Variants in CISD2 observed in about 807,000 individuals in gnomAD.
CISD2 encodes the protein CDGSH iron-sulfur domain-containing protein 2.
CISD2 carries 1 observed loss-of-function variant against 12.9 expected under a neutral mutation model. The observed-to-expected ratio is 0.08, with a 90% CI of 0.03 to 0.37. CISD2 has a LOEUF of 0.37. Ranked by LOEUF, CISD2 falls within the 10% of genes least tolerant of loss-of-function variation. The pLI is 0.99. For synonymous variants in CISD2, 50 were observed against 60.6 expected, an observed-to-expected ratio of 0.83 and a Z score of 0.81; for missense variants, 97 against 163.1, an observed-to-expected ratio of 0.59 and a Z score of 2.21.
At chr4:102,881,439 CAATATA>C (rs1393793574) in intron 1 of CISD2, among the ~76,000 whole-genome samples, 1 of 152,072 alleles carries the variant, frequency 6.6e-6, no homozygotes, top group African/African-American at 2.4e-5. Flanking sequence ...GGAATGTTCT[CAATATA>C]AATAAATGAT....
At chr4:102,883,824 T>C (rs929839350) in intron 1 of CISD2, among the ~76,000 whole-genome samples, 7 of 152,368 alleles carry the variant, frequency 4.6e-5, no homozygotes, top group Admixed American at 4.6e-4. Flanking sequence ...TGTCAAGTTA[T>C]TTGGCAAAAT....
chr4:102,869,355 C>G, intron 1 of CISD2, 168 bp downstream of exon 1: 1 of 881,848 alleles, frequency 1.1e-6, no homozygotes, highest in Non-Finnish European at 1.8e-6. Context: ...TGGGGAACGC[C>G]TGTGAGGCAG....
chr4:102,889,544 T>A lies in CISD2; in HGVS notation c.*2114T>A, dbSNP rs972921535. 2.6e-5 allele frequency: 4 copies of A among 152,268 alleles called. No individual in the cohort carries two copies. The highest frequency in any genetic ancestry group is 5.9e-5 in the Non-Finnish European group (4 of 68,038). The allele number at this position is 152,268 out of a possible 1,614,324, so 9.4% of individuals were successfully genotyped here. A position where few individuals can be genotyped will look rare whatever the true frequency, so the allele number is the denominator to read the frequency against. ...CTAAAATGAATGACCAACTTTGAAT[T>A]TTGTCAAATAACATTGAAAATGAAT... On this transcript the variant is annotated 3_prime_UTR_variant, in exon 3 of 3. Transcript: ENST00000273986.
chr4:102,880,666 A>G (rs1161214018), intron 1 of CISD2, among the ~76,000 whole-genome samples: 1 of 151,718 alleles, frequency 6.6e-6, no homozygotes, highest in African/African-American at 2.4e-5. Context: ...TGACAGAGTG[A>G]GACTATCTCA....
chr4:102,873,399 G>A (rs987919277), intron 1 of CISD2, among the ~76,000 whole-genome samples: 2 of 152,058 alleles, frequency 1.3e-5, no homozygotes, highest in African/African-American at 4.8e-5. Context: ...AACCTCTTGA[G>A]TAGCTGGTAC....
chr4:102,884,163 G>T (rs1166864405), intron 1 of CISD2, among the ~76,000 whole-genome samples: 11 of 152,130 alleles, frequency 7.2e-5, no homozygotes, highest in African/African-American at 2.7e-4. Context: ...TGGATTTAGG[G>T]TGTCCTGGAC....
intron 1 of CISD2, among the ~76,000 whole-genome samples, chr4:102,881,008 A>AAT (rs1553969487): frequency 6.7e-6 from 1 of 149,426 alleles, no homozygotes; most frequent in Non-Finnish European, 1.5e-5. Context: ...AAAAAAAAAA[A>AAT]TTTTTTTTGC....
At chr4:102,878,804 T>G (rs2110395567) in intron 1 of CISD2, among the ~76,000 whole-genome samples, 1 of 152,338 alleles carries the variant, frequency 6.6e-6, no homozygotes, top group Non-Finnish European at 1.5e-5. Context: ...CAAAATTGCT[T>G]CCACATTTTC....
intron 1 of CISD2, among the ~76,000 whole-genome samples, chr4:102,876,869 C>T (rs1364659598): frequency 2.0e-5 from 3 of 152,070 alleles, no homozygotes; most frequent in African/African-American, 4.8e-5. Flanking sequence ...TAGAAGGGAG[C>T]GCAGACACCT....
intron 1 of CISD2, 138 bp downstream of exon 1, chr4:102,869,325 C>T: frequency 8.6e-7 from 1 of 1,164,762 alleles, no homozygotes; most frequent in Non-Finnish European, 1.2e-6. Flanking sequence ...GGAAGGTGGG[C>T]GCGCGCCGAC....
intron 1 of CISD2, among the ~76,000 whole-genome samples, chr4:102,877,490 A>G (rs1462632397): frequency 1.3e-5 from 2 of 152,148 alleles, no homozygotes; most frequent in Non-Finnish European, 2.9e-5. Context: ...CAGCTCCTTC[A>G]AGGGCTGGCA....
rs184161680 is a variant in CISD2 at position 102,869,403 on chromosome 4, G to C, written c.103+216G>C. 4 of 721,438 alleles carry C rather than the reference G, an allele frequency of 5.5e-6. No individual in the cohort carries two copies. In the East Asian group the frequency reaches 8.0e-5, roughly 14 times the overall value. 44.7% of individuals were successfully genotyped at this position (721,438 alleles called of 1,614,324 possible). A position where few individuals can be genotyped will look rare whatever the true frequency, so the allele number is the denominator to read the frequency against. On this transcript the variant is annotated intron_variant, in intron 1 of 2. Transcript: ENST00000273986. ...TGATGCCCCAGGGTCTTTTGTCCTCGGAGTTGTCTCCGGTGTCATTCCGTG... is the reference window on the plus strand; with the variant it reads ...TGATGCCCCAGGGTCTTTTGTCCTCCGAGTTGTCTCCGGTGTCATTCCGTG...
In CISD2 at chr4:102,885,284, C is replaced by A. The variant is rs374058087; in HGVS notation, c.172C>A (p.Pro58Thr). ...LALLGYLAVR[P>T]FLPKKKQQKD... ...ACTTCTTGGCTACCTTGCAGTTCGT[C>A]CATTCCTCCCGAAGAAGAAACAACA... Residue 58 changes from proline to threonine, a missense_variant, in exon 2 of 3, where the codon CCA becomes ACA. This residue lies in a region of CISD2 where 89 missense variants were observed against 114.4 expected (regional missense o/e 0.78). Transcript: ENST00000273986. 2 of 1,613,976 alleles carry A rather than the reference C, an allele frequency of 1.2e-6. No individual in the cohort carries two copies. The highest frequency in any genetic ancestry group is 2.7e-5 in the African/African-American group (2 of 74,912).
intron 1 of CISD2, among the ~76,000 whole-genome samples, chr4:102,876,315 G>A (rs1319897924): frequency 1.3e-5 from 2 of 152,300 alleles, no homozygotes; most frequent in East Asian, 1.9e-4. Flanking sequence ...AACTGAATTA[G>A]TTGTTTACTG....
chr4:102,879,813 C>T (rs1315745798), intron 1 of CISD2, among the ~76,000 whole-genome samples: 1 of 152,076 alleles, frequency 6.6e-6, no homozygotes, highest in Non-Finnish European at 1.5e-5. Context: ...ATAAACTGAA[C>T]TGTAAATTAA....
chr4:102,869,861 A>C (rs2110390116), intron 1 of CISD2, among the ~76,000 whole-genome samples: 1 of 152,314 alleles, frequency 6.6e-6, no homozygotes, highest in East Asian at 1.9e-4. Flanking sequence ...TTAGAAAATG[A>C]AATTTAGTGA....
At chr4:102,883,254 C>T (rs915367957) in intron 1 of CISD2, among the ~76,000 whole-genome samples, 10 of 152,134 alleles carry the variant, frequency 6.6e-5, no homozygotes, top group Non-Finnish European at 8.8e-5. Flanking sequence ...AGTATTTCTC[C>T]AGTCAATATT....
In CISD2 at chr4:102,887,701, G is replaced by A. The variant is rs560567283; in HGVS notation, c.*271G>A. 9.4e-3 allele frequency: 2,593 copies of A among 275,696 alleles called. 5 individuals are homozygous for A. Among genetic ancestry groups the A allele is most frequent in the African/African-American group, 0.049 (2,194 of 45,066 alleles). The allele number at this position is 275,696 out of a possible 1,614,324, so 17.1% of individuals were successfully genotyped here. A position where few individuals can be genotyped will look rare whatever the true frequency, so the allele number is the denominator to read the frequency against. ...CCTAAATTGTGGCTATGGATCCAAAGCTGTTTGTTTCTTTGAATATCAATA... is the reference window on the plus strand; with the variant it reads ...CCTAAATTGTGGCTATGGATCCAAAACTGTTTGTTTCTTTGAATATCAATA... On this transcript the variant is annotated 3_prime_UTR_variant, in exon 3 of 3. Coordinates refer to ENST00000273986, the MANE Select transcript of CISD2 (RefSeq NM_001008388.5).
intron 1 of CISD2, among the ~76,000 whole-genome samples, chr4:102,875,698 G>A (rs1330342535): frequency 6.6e-6 from 1 of 152,156 alleles, no homozygotes; most frequent in African/African-American, 2.4e-5. Flanking sequence ...TTAAAGGGTA[G>A]GGAGTTAGGG....
Sources: allele counts gnomAD v4.1 joint callset (sites outside exome capture counted in the v4.1 genomes callset), GRCh38; gene constraint gnomAD v4.1.1; regional missense constraint gnomAD v4.1.1; transcripts MANE v1.5; gene names NCBI Gene and HGNC (gene_info 2026-07-23, HGNC 2026-07-21).